MAGI2: variants seen among roughly 807,000 people sequenced by gnomAD.
MAGI2 encodes the protein membrane associated guanylate kinase, WW and PDZ domain containing 2, also known as membrane-associated guanylate kinase, WW and PDZ domain-containing protein 2.
In MAGI2, 35 loss-of-function variants were observed where a neutral mutation model predicts 133.3. The observed-to-expected ratio is 0.26, with a 90% CI of 0.20 to 0.35. MAGI2 has a LOEUF of 0.35. Among genes scored for constraint, MAGI2 ranks in the 10% least tolerant of loss-of-function variants. The pLI is 1.00. For synonymous variants in MAGI2, 729 were observed against 710.6 expected (o/e 1.03, Z -0.41); for missense variants, 1,636 against 1,863.4 (o/e 0.88, Z 2.25).
intron 4 of MAGI2, among the ~76,000 whole-genome samples, chr7:78,510,576 G>A (rs1259768187): frequency 6.6e-6 from 1 of 152,092 alleles, no homozygotes; most frequent in Non-Finnish European, 1.5e-5. Context: ...TAATGCAAAT[G>A]TCAGAAAAGG....
chr7:78,869,006 G>A (rs1794819234), intron 2 of MAGI2, among the ~76,000 whole-genome samples: 1 of 152,172 alleles, frequency 6.6e-6, no homozygotes, highest in Admixed American at 6.5e-5. Flanking sequence ...GCCCGCCTCG[G>A]CCTCCCAAAG....
At chr7:79,188,683 T>C (rs1343462241) in intron 1 of MAGI2, among the ~76,000 whole-genome samples, 1 of 151,838 alleles carries the variant, frequency 6.6e-6, no homozygotes, top group Non-Finnish European at 1.5e-5. Flanking sequence ...GCTAATATTG[T>C]ATGTAGTTGG....
intron 1 of MAGI2, among the ~76,000 whole-genome samples, chr7:79,356,099 TG>T (rs765059611): frequency 1.3e-5 from 2 of 152,214 alleles, no homozygotes; most frequent in East Asian, 3.8e-4. Flanking sequence ...TTTTGTCTAC[TG>T]TACTTTGACA....
At chr7:79,159,320 C>T (rs1824118615) in intron 1 of MAGI2, among the ~76,000 whole-genome samples, 1 of 151,744 alleles carries the variant, frequency 6.6e-6, no homozygotes, top group African/African-American at 2.4e-5. Context: ...TTGAGACCAG[C>T]CTGGCCAACA....
rs190166532 is a variant in MAGI2, at chr7:78,097,038, T to A, written c.3568-17953A>T. ...GACACTTTGCAAAAGAAGACACACA[T>A]GTGCCCAACAAGCATATGAAAAAAA... On this transcript the variant is annotated intron_variant, in intron 20 of 21. Coordinates refer to ENST00000354212, the MANE Select transcript of MAGI2 (RefSeq NM_012301.4). 1.6e-3 allele frequency among the ~76,000 whole-genome samples: 242 copies of A among 152,178 alleles called. 1 individual carries two copies. Among genetic ancestry groups the A allele is most frequent in the Admixed American group, 5.1e-3 (78 of 15,276 alleles).
chr7:79,376,122 G>A (rs1407600532), intron 1 of MAGI2, among the ~76,000 whole-genome samples: 1 of 151,712 alleles, frequency 6.6e-6, no homozygotes, highest in Non-Finnish European at 1.5e-5. Flanking sequence ...TATTGTATAT[G>A]TTTATATAGT....
chr7:78,320,514 A>G (rs1787890714), intron 9 of MAGI2, among the ~76,000 whole-genome samples: 1 of 152,246 alleles, frequency 6.6e-6, no homozygotes, highest in Non-Finnish European at 1.5e-5. Context: ...CGAACCAATG[A>G]CAAAAAACAC....
chr7:79,128,712 T>A (rs563397995), intron 1 of MAGI2, among the ~76,000 whole-genome samples: 1 of 152,348 alleles, frequency 6.6e-6, no homozygotes, highest in Admixed American at 6.5e-5. Flanking sequence ...TTATTCAATT[T>A]GATTTGTAAT....
intron 1 of MAGI2, among the ~76,000 whole-genome samples, chr7:79,378,949 T>C (rs1220040293): frequency 1.6e-5 from 1 of 62,954 alleles, no homozygotes; most frequent in Admixed American, 1.6e-4. Context: ...TATATATATA[T>C]ATATATATAT....
intron 9 of MAGI2, among the ~76,000 whole-genome samples, chr7:78,337,891 A>ACCATCCATCCATCCAT (rs112967411): frequency 1.7e-3 from 258 of 150,102 alleles, no homozygotes; most frequent in Non-Finnish European, 2.3e-3. Flanking sequence ...CCATCCAATC[A>ACCATCCATCCATCCAT]CCATCCATCC....
At chr7:79,135,081 C>T (rs1296565749) in intron 1 of MAGI2, among the ~76,000 whole-genome samples, 4 of 152,128 alleles carry the variant, frequency 2.6e-5, no homozygotes. Context: ...TCTGTCTGCA[C>T]AGTGTCTAAA....
intron 3 of MAGI2, among the ~76,000 whole-genome samples, chr7:78,564,918 C>T (rs568515956): frequency 4.6e-5 from 7 of 150,738 alleles, no homozygotes; most frequent in Admixed American, 2.6e-4. Flanking sequence ...CTGAGCCTCC[C>T]GAGCTGCTGG....
chr7:78,997,393 C>T (rs536975803), intron 2 of MAGI2, among the ~76,000 whole-genome samples: 4 of 151,948 alleles, frequency 2.6e-5, no homozygotes, highest in African/African-American at 4.8e-5. Flanking sequence ...CACTTGAGGT[C>T]GGGAGTTCAA....
chr7:79,196,144 G>T, intron 1 of MAGI2, among the ~76,000 whole-genome samples: 1 of 151,884 alleles, frequency 6.6e-6, no homozygotes, highest in South Asian at 2.1e-4. Flanking sequence ...ATTAGCTAGA[G>T]TTAGTCATTC....
At chr7:78,097,855 A>G (rs1446942443) in intron 20 of MAGI2, among the ~76,000 whole-genome samples, 2 of 152,140 alleles carry the variant, frequency 1.3e-5, no homozygotes, top group African/African-American at 4.8e-5. Flanking sequence ...TCCCCAGTCT[A>G]GAACTTTAAA....
chr7:78,559,136 CAAAAAAAAAAAAAAAAAAA>C (rs71085541), intron 3 of MAGI2, among the ~76,000 whole-genome samples: 4 of 54,726 alleles, frequency 7.3e-5, no homozygotes, highest in African/African-American at 1.6e-4. Context: ...TCTGAATTTC[CAAAAAAAAAAAAAAAAAAA>C]AAAAAAAAAA....
At position 78,169,395 on chromosome 7, in the gene MAGI2, T is replaced by C. The variant is rs79753320; in HGVS notation, c.2404-1287A>G. 7.2e-4 allele frequency among the ~76,000 whole-genome samples: 109 copies of C among 150,486 alleles called. No homozygotes were observed. In the East Asian group the frequency reaches 0.012, roughly 17 times the overall value. ...TCCCTTGCTTCCAGATTGATTTCCTTCAGGCATAATAATTTCTTTCAAATC... is the reference window on the plus strand; with the variant it reads ...TCCCTTGCTTCCAGATTGATTTCCTCCAGGCATAATAATTTCTTTCAAATC... On this transcript the variant is annotated intron_variant, in intron 14 of 21. Transcript: ENST00000354212.
intron 3 of MAGI2, among the ~76,000 whole-genome samples, chr7:78,571,043 A>C (rs1801443936): frequency 6.6e-6 from 1 of 152,188 alleles, no homozygotes; most frequent in South Asian, 2.1e-4. Context: ...TCATATATTC[A>C]TCTATAGGCT....
chr7:79,385,732 G>A (rs980834737), intron 1 of MAGI2, among the ~76,000 whole-genome samples: 2 of 151,986 alleles, frequency 1.3e-5, no homozygotes, highest in Middle Eastern at 3.4e-3. Flanking sequence ...ATACAAAAGA[G>A]CGAATATGTA....
Sources: allele counts gnomAD v4.1 joint callset (sites outside exome capture counted in the v4.1 genomes callset), GRCh38; gene constraint gnomAD v4.1.1; transcripts MANE v1.5; gene names NCBI Gene and HGNC (gene_info 2026-07-23, HGNC 2026-07-21).